Variants in ENAH observed in about 807,000 individuals in gnomAD.
ENAH encodes protein enabled homolog.
In ENAH, 23 loss-of-function variants were observed where a neutral mutation model predicts 78.7. The ratio of observed to expected loss-of-function variants is 0.29; its 90% CI spans 0.21 to 0.41. The LOEUF is 0.41. Among genes scored for constraint, ENAH ranks in the 10% least tolerant of loss-of-function variants. The pLI is 1.00. For missense variants in ENAH, 544 were observed against 691.0 expected, an observed-to-expected ratio of 0.79 and a Z score of 2.39; for synonymous variants, 226 against 241.0, an observed-to-expected ratio of 0.94 and a Z score of 0.58.
intron 1 of ENAH, among the ~76,000 whole-genome samples, chr1:225,615,607 TG>T (rs1387006385): frequency 6.6e-6 from 1 of 151,888 alleles, no homozygotes; most frequent in Non-Finnish European, 1.5e-5. Context: ...GGAGCGTCTC[TG>T]CCCGGCCGCC....
intron 2 of ENAH, among the ~76,000 whole-genome samples, chr1:225,565,092 T>G (rs990024000): frequency 3.7e-4 from 57 of 152,302 alleles, no homozygotes; most frequent in African/African-American, 1.3e-3. Context: ...ATAGTTTACT[T>G]CTCCTAGAAA....
At chr1:225,512,600 T>G in intron 9 of ENAH, 57 bp downstream of exon 9, 64 of 1,506,982 alleles carry the variant, frequency 4.2e-5, no homozygotes, top group Non-Finnish European at 5.4e-5. Context: ...ATTTCCTGAA[T>G]GAGCTGTGCC....
At chr1:225,512,460 C>G (rs1383754809) in intron 9 of ENAH, among the ~76,000 whole-genome samples, 197 bp downstream of exon 9, 1 of 152,220 alleles carries the variant, frequency 6.6e-6, no homozygotes, top group East Asian at 1.9e-4. Flanking sequence ...ACATATTCAA[C>G]TCACTTTACT....
At chr1:225,621,969 A>G (rs1037506003) in intron 1 of ENAH, among the ~76,000 whole-genome samples, 4 of 152,146 alleles carry the variant, frequency 2.6e-5, no homozygotes, top group African/African-American at 9.7e-5. Flanking sequence ...CTCTCACTTC[A>G]AAAGAAGCTG....
chr1:225,579,810 T>C (rs78549071), intron 1 of ENAH, among the ~76,000 whole-genome samples: 6,561 of 152,280 alleles, frequency 0.043, 230 homozygotes, highest in South Asian at 0.11. Flanking sequence ...TTTTCAGTTA[T>C]AAATATTTTC....
intron 1 of ENAH, among the ~76,000 whole-genome samples, chr1:225,638,996 T>C (rs578102643): frequency 6.6e-6 from 1 of 152,334 alleles, no homozygotes; most frequent in East Asian, 1.9e-4. Context: ...CATTAGCCTC[T>C]ATGTCAGGCC....
chr1:225,599,829 C>G (rs140119941), intron 1 of ENAH, among the ~76,000 whole-genome samples: 1,541 of 149,522 alleles, frequency 0.01, 26 homozygotes, highest in African/African-American at 0.036. Flanking sequence ...AAAGTGACCC[C>G]CTTTATTGGA....
intron 3 of ENAH, chr1:225,531,112 C>G (rs2096535290): frequency 5.0e-6 from 2 of 398,134 alleles, no homozygotes; most frequent in South Asian, 2.5e-4. Context: ...TACTAGACTC[C>G]AGTATGCTAA....
intron 1 of ENAH, among the ~76,000 whole-genome samples, chr1:225,615,098 G>A (rs554457291): frequency 2.6e-5 from 4 of 151,994 alleles, no homozygotes; most frequent in African/African-American, 9.7e-5. Flanking sequence ...GCCGAGCGGA[G>A]GCTGGACTGT....
intron 4 of ENAH, among the ~76,000 whole-genome samples, chr1:225,527,449 A>G (rs2096513898): frequency 6.6e-6 from 1 of 152,238 alleles, no homozygotes; most frequent in Non-Finnish European, 1.5e-5. Context: ...AGCCTACACA[A>G]CCAGATCCAG....
intron 12 of ENAH, among the ~76,000 whole-genome samples, chr1:225,499,091 T>C (rs1246216013): frequency 6.6e-6 from 1 of 152,170 alleles, no homozygotes; most frequent in African/African-American, 2.4e-5. Context: ...ATGAAAATAA[T>C]GTAAAATAAC....
At chr1:225,639,703 T>TAAACACAC (rs1660674650) in intron 1 of ENAH, among the ~76,000 whole-genome samples, 1 of 97,666 alleles carries the variant, frequency 1.0e-5, no homozygotes, top group African/African-American at 5.1e-5. Flanking sequence ...ATGGCGGGAT[T>TAAACACAC]AAACACACAC....
intron 10 of ENAH, among the ~76,000 whole-genome samples, chr1:225,510,698 T>TTA (rs1485222285): frequency 7.4e-6 from 1 of 135,378 alleles, no homozygotes; most frequent in Non-Finnish European, 1.6e-5. Context: ...TCAGAGGTAC[T>TTA]TAAAAAAAAA....
intron 4 of ENAH, among the ~76,000 whole-genome samples, chr1:225,521,963 T>C (rs1308783370): frequency 2.6e-5 from 4 of 151,844 alleles, no homozygotes; most frequent in Admixed American, 1.3e-4. Flanking sequence ...GCCCGGCTAA[T>C]TTTTTGTATT....
intron 4 of ENAH, among the ~76,000 whole-genome samples, chr1:225,525,729 G>C (rs1029566280): frequency 6.6e-6 from 1 of 152,166 alleles, no homozygotes; most frequent in Non-Finnish European, 1.5e-5. Flanking sequence ...AGCTTCTTAG[G>C]AAGTTGTGCA....
At chr1:225,632,259 G>C (rs981952651) in intron 1 of ENAH, among the ~76,000 whole-genome samples, 1 of 152,176 alleles carries the variant, frequency 6.6e-6, no homozygotes, top group African/African-American at 2.4e-5. Context: ...AGCACTTTGG[G>C]AGGCCAAAGC....
At chr1:225,528,559 C>T (rs555860304) in intron 4 of ENAH, among the ~76,000 whole-genome samples, 95 of 152,160 alleles carry the variant, frequency 6.2e-4, no homozygotes, top group Admixed American at 4.3e-3. Context: ...ATTGAGGAGT[C>T]CTGTAATCTT....
intron 1 of ENAH, among the ~76,000 whole-genome samples, chr1:225,614,550 G>T (rs562165662): frequency 6.6e-6 from 1 of 152,094 alleles, no homozygotes; most frequent in Non-Finnish European, 1.5e-5. Context: ...TTTGTATAGA[G>T]GCTTCATTAT....
At chr1:225,594,222 T>G (rs1019383833) in intron 1 of ENAH, among the ~76,000 whole-genome samples, 1 of 152,204 alleles carries the variant, frequency 6.6e-6, no homozygotes, top group Non-Finnish European at 1.5e-5. Flanking sequence ...TATATTTTAC[T>G]TCTAATTTGA....
Sources: allele counts gnomAD v4.1 joint callset (sites outside exome capture counted in the v4.1 genomes callset), GRCh38; gene constraint gnomAD v4.1.1; transcripts MANE v1.5; gene names NCBI Gene and HGNC (gene_info 2026-07-23, HGNC 2026-07-21).